The following AGPAT3 variants were observed in gnomAD, a reference collection of about 807,000 sequenced individuals.
AGPAT3 encodes the protein 1-acyl-sn-glycerol-3-phosphate acyltransferase gamma.
A neutral mutation model predicts 47.3 loss-of-function variants in AGPAT3; 5 were observed. The observed-to-expected ratio is 0.11, with a 90% CI of 0.06 to 0.22. AGPAT3 has a LOEUF of 0.22. AGPAT3 is among the 10% of genes least tolerant of loss of function. AGPAT3 has a pLI of 1.00. For missense variants in AGPAT3, 315 were observed against 493.0 expected (o/e 0.64, Z 3.42); for synonymous variants, 212 against 208.3 (o/e 1.02, Z -0.15).
intron 2 of AGPAT3, among the ~76,000 whole-genome samples, chr21:43,940,872 A>C (rs2087630420): frequency 6.6e-6 from 1 of 152,246 alleles, no homozygotes; most frequent in African/African-American, 2.4e-5. Context: ...GAGAATCAGC[A>C]GGTGTCACAG....
chr21:43,898,747 G>C (rs985576958), intron 1 of AGPAT3, among the ~76,000 whole-genome samples: 1 of 152,184 alleles, frequency 6.6e-6, no homozygotes, highest in Non-Finnish European at 1.5e-5. Context: ...GGCTGATCTT[G>C]AACTCCTGAC....
chr21:43,977,979 T>C, intron 7 of AGPAT3, 67 bp from the exon 8 acceptor site: 1 of 1,339,520 alleles, frequency 7.5e-7, no homozygotes, highest in Non-Finnish European at 1.1e-6. Flanking sequence ...CATGTTCCCC[T>C]GTGCCCTCTT....
At chr21:43,917,807 T>TG (rs2086769002) in intron 2 of AGPAT3, among the ~76,000 whole-genome samples, 1 of 100,120 alleles carries the variant, frequency 1.0e-5, no homozygotes, top group Non-Finnish European at 1.8e-5. Flanking sequence ...TTGTGGGGGT[T>TG]GTGTTGTGGG....
intron 1 of AGPAT3, among the ~76,000 whole-genome samples, chr21:43,868,343 A>G (rs2085553712): frequency 6.6e-6 from 1 of 152,182 alleles, no homozygotes; most frequent in Non-Finnish European, 1.5e-5. Flanking sequence ...AAAGCAACAC[A>G]ACTATCCTTC....
chr21:43,876,154 C>G (rs896826072), intron 1 of AGPAT3, among the ~76,000 whole-genome samples: 4 of 151,528 alleles, frequency 2.6e-5, no homozygotes, highest in African/African-American at 9.7e-5. Context: ...TGTTTTTTTC[C>G]AAGTTTGCCT....
chr21:43,901,964 G>A (rs1197770528), intron 1 of AGPAT3, among the ~76,000 whole-genome samples: 1 of 152,202 alleles, frequency 6.6e-6, no homozygotes, highest in Admixed American at 6.5e-5. Flanking sequence ...AGTAACATAT[G>A]AAACTGATTT....
In AGPAT3 at chr21:43,984,945, C is replaced by T. The variant is rs548924124; in HGVS notation, c.*2553C>T. ...GTGAGGCACATTCTAGGCCTGGCAT[C>T]GCTGATGCCCTCTGCACCCAGTCCT... On this transcript the variant is annotated 3_prime_UTR_variant, in exon 10 of 10. Transcript: ENST00000291572. 3.6e-5 allele frequency: 13 copies of T among 359,626 alleles called. No homozygotes were observed. Among genetic ancestry groups the T allele is most frequent in the Non-Finnish European group, 4.4e-5 (8 of 180,142 alleles). The allele number at this position is 359,626 out of a possible 1,614,324, so 22.3% of individuals were successfully genotyped here.
At chr21:43,960,691 A>T (rs2088788216) in intron 3 of AGPAT3, 1 of 983,204 alleles carries the variant, frequency 1.0e-6, no homozygotes, top group Non-Finnish European at 1.2e-6. Flanking sequence ...TGCGGCACCC[A>T]TACAGGGACC....
chr21:43,865,608 G>T (rs1601169421), intron 1 of AGPAT3, among the ~76,000 whole-genome samples: 1 of 150,398 alleles, frequency 6.6e-6, no homozygotes. Context: ...CTGGTCCAGC[G>T]CGAGGCCCCG....
chr21:43,981,140 G>A lies in AGPAT3; in HGVS notation c.995G>A (p.Ser332Asn). The A allele has an allele frequency of 6.2e-7, 1 of 1,614,216 alleles. No individual in the cohort carries two copies. The highest frequency in any genetic ancestry group is 8.5e-7 in the Non-Finnish European group (1 of 1,180,042). Residue 332 changes from serine (S) to asparagine (N), a missense_variant, in exon 9 of 10, where the codon AGC becomes AAC. Coordinates refer to ENST00000291572, the MANE Select transcript of AGPAT3 (RefSeq NM_020132.5). This position sits in a 1 kb window ranked among gnomAD's most constrained non-coding sequence, Gnocchi z 5.3. ...LFSFVLGVFA[S>N]GSPLLILTFL... The stretch of plus-strand genomic sequence containing the variant: ...AGTTTTGTCTTGGGCGTCTTTGCCA[G>A]CGGATCACCTCTCCTGATCCTGACT...
intron 1 of AGPAT3, among the ~76,000 whole-genome samples, chr21:43,870,309 G>T (rs140447371): frequency 7.2e-5 from 11 of 152,256 alleles, no homozygotes; most frequent in African/African-American, 2.6e-4. Context: ...CTAGAACATT[G>T]GTTAGAAAAT....
In AGPAT3 at chr21:43,887,027, T is replaced by C. The variant is rs79231985; in HGVS notation, c.-111-16930T>C. On this transcript the variant is annotated intron_variant, in intron 1 of 9. Transcript: ENST00000291572. The stretch of plus-strand genomic sequence containing the variant: ...TTTCTGAGGAACCTCCAAACTGCTC[T>C]CAATAGTGGTTGTACTAACTCACAT... 4.3e-3 allele frequency among the ~76,000 whole-genome samples: 657 copies of C among 152,362 alleles called. 7 individuals are homozygous for C. Among genetic ancestry groups the C allele is most frequent in the African/African-American group, 0.015 (631 of 41,586 alleles).
chr21:43,913,839 G>A (rs1300240710), intron 2 of AGPAT3, among the ~76,000 whole-genome samples: 3 of 152,198 alleles, frequency 2.0e-5, no homozygotes, highest in East Asian at 1.9e-4. Flanking sequence ...TACCGAGGTC[G>A]AGAGACCTCT....
chr21:43,904,011 TGTGCCTTGGTAA>T lies in AGPAT3; in HGVS notation c.-53_-49+7del, dbSNP rs2086421875. The T allele has an allele frequency of 6.6e-6, 1 of 152,660 alleles. No individual in the cohort carries two copies. Among genetic ancestry groups the T allele is most frequent in the Non-Finnish European group, 1.5e-5 (1 of 68,274 alleles). 9.5% of individuals were successfully genotyped at this position (152,660 alleles called of 1,614,324 possible). On this transcript the variant is annotated splice_donor_variant and splice_donor_region_variant and 5_prime_UTR_variant and intron_variant, in exon 2 of 10. Transcript: ENST00000291572. LOFTEE classifies it low-confidence loss of function (5UTR_SPLICE). ...CTGTTCCCACTGGCTCTGCTGACCT[TGTGCCTTGGTAA>T]GTGGGCAGTGAGGCCGCCTGACGCA...
chr21:43,931,545 C>T (rs1431278213), intron 2 of AGPAT3, among the ~76,000 whole-genome samples: 2 of 151,622 alleles, frequency 1.3e-5, no homozygotes, highest in East Asian at 3.8e-4. Flanking sequence ...GAGCTTTGTT[C>T]TTCTTAACCT....
chr21:43,939,487 G>C lies in AGPAT3; in HGVS notation c.-48-20147G>C, dbSNP rs2087576806. On this transcript the variant is annotated intron_variant, in intron 2 of 9. Coordinates refer to ENST00000291572, the MANE Select transcript of AGPAT3 (RefSeq NM_020132.5). This position sits in a 1 kb window ranked among gnomAD's most constrained non-coding sequence, Gnocchi z 4.4. ...GACGTGCCTGACTTCTGGAGGATAA[G>C]AGGCGGCCCACCCCACAGCTCTTCC... Among the ~76,000 whole-genome samples, 1 of 152,206 alleles carries C rather than the reference G, an allele frequency of 6.6e-6. No homozygotes were observed. Among genetic ancestry groups the C allele is most frequent in the Non-Finnish European group, 1.5e-5 (1 of 68,040 alleles).
In AGPAT3 at chr21:43,930,964, G is replaced by T. The variant is rs1312971371; in HGVS notation, c.-49+26945G>T. ...CACTACGTGAGATCCTGGGGCAGGG[G>T]CTGTGGGGGCTCTAGAGTGGGGGTG... On this transcript the variant is annotated intron_variant, in intron 2 of 9. Transcript: ENST00000291572. The surrounding 1 kb of genome is among the most constrained non-coding windows in gnomAD (Gnocchi z 5.0). Among the ~76,000 whole-genome samples the T allele has an allele frequency of 6.6e-6, 1 of 152,178 alleles. No homozygotes were observed. Among genetic ancestry groups the T allele is most frequent in the Non-Finnish European group, 1.5e-5 (1 of 68,018 alleles).
At chr21:43,969,091 A>G in intron 4 of AGPAT3, 27 bp from the exon 5 acceptor site, 5 of 1,612,450 alleles carry the variant, frequency 3.1e-6, no homozygotes, top group Non-Finnish European at 4.2e-6. Flanking sequence ...CTGAAGTGCC[A>G]GGTGCCCCTC....
chr21:43,953,529 G>A (rs1186128209), intron 2 of AGPAT3, among the ~76,000 whole-genome samples: 1 of 152,168 alleles, frequency 6.6e-6, no homozygotes, highest in Non-Finnish European at 1.5e-5. Flanking sequence ...TTAGTTTAGG[G>A]TGATCAATAA....
Sources: allele counts gnomAD v4.1 joint callset (sites outside exome capture counted in the v4.1 genomes callset), GRCh38; gene constraint gnomAD v4.1.1; non-coding constraint Gnocchi (gnomAD v3.1); transcripts MANE v1.5; gene names NCBI Gene and HGNC (gene_info 2026-07-23, HGNC 2026-07-21).